The following IQCE variants were observed in gnomAD, a reference collection of about 807,000 sequenced individuals.
The protein encoded by IQCE is IQ motif containing E, also known as IQ domain-containing protein E.
IQCE carries 115 observed loss-of-function variants against 96.0 expected under a neutral mutation model. The observed-to-expected ratio is 1.20, with a 90% confidence interval of 1.03 to 1.40. The LOEUF (loss-of-function observed/expected upper bound fraction) is 1.40. Among genes scored for constraint, IQCE ranks in the 40% most tolerant of loss-of-function variants. IQCE has a pLI of 0.00. For missense variants in IQCE, 1,041 were observed against 909.1 expected (o/e 1.15, Z -1.87); for synonymous variants, 412 against 371.2 (o/e 1.11, Z -1.26).
chr7:2,598,634 T>C lies in IQCE; in HGVS notation c.1608+2T>C. 1 of 1,536,644 alleles carries C rather than the reference T, an allele frequency of 6.5e-7. No homozygotes were observed. Among genetic ancestry groups the C allele is most frequent in the Non-Finnish European group, 8.8e-7 (1 of 1,141,118 alleles). On this transcript the variant is annotated splice_donor_variant, in intron 17 of 21. Transcript: ENST00000402050. LOFTEE classifies it high-confidence loss of function. ...CAGTGGAAGGTGTACAAGCACAAGG[T>C]GAGGCTCCCCGGGGCGACCCGGGCT...
chr7:2,603,042 T>A (rs548407751), intron 18 of IQCE, among the ~76,000 whole-genome samples: 1 of 152,236 alleles, frequency 6.6e-6, no homozygotes, highest in Admixed American at 6.5e-5. Context: ...CCTGGCCTCC[T>A]GGTCCCTAGA....
chr7:2,567,092 C>T, intron 1 of IQCE, 24 bp from the exon 2 acceptor site: 1 of 1,610,284 alleles, frequency 6.2e-7, no homozygotes, highest in Non-Finnish European at 8.5e-7. Flanking sequence ...CGTCGAGTTA[C>T]AGTGTTTGCC....
intron 13 of IQCE, among the ~76,000 whole-genome samples, chr7:2,589,247 A>C (rs1344739027): frequency 6.6e-6 from 1 of 152,056 alleles, no homozygotes; most frequent in Non-Finnish European, 1.5e-5. Flanking sequence ...GCACACCTGT[A>C]TTCCCAGCTA....
At chr7:2,579,782 T>C (rs117437253) in intron 8 of IQCE, among the ~76,000 whole-genome samples, 21,195 of 150,938 alleles carry the variant, frequency 0.14, 1,719 homozygotes, top group Non-Finnish European at 0.16. Flanking sequence ...CTCACTCTGT[T>C]GCCCAGGCTG....
At chr7:2,578,942 C>A (rs1014580984) in intron 8 of IQCE, among the ~76,000 whole-genome samples, 2 of 151,964 alleles carry the variant, frequency 1.3e-5, no homozygotes, top group Non-Finnish European at 2.9e-5. Context: ...TCCTGTAGTC[C>A]CGGCTACTCA....
chr7:2,603,224 GC>G (rs1784555531), intron 18 of IQCE, among the ~76,000 whole-genome samples: 1 of 152,064 alleles, frequency 6.6e-6, no homozygotes, highest in African/African-American at 2.4e-5. Context: ...GCCTGCCCAG[GC>G]TCCCGGTCCC....
chr7:2,612,619 G>C lies in IQCE; in HGVS notation c.*2457G>C, dbSNP rs1483390931. On this transcript the variant is annotated 3_prime_UTR_variant, in exon 22 of 22. Transcript: ENST00000402050. ...GTGGGTGGGGCCTAGCCATGGGAGA[G>C]GTGAGCTGTGAATGGGGCTAGCTAT... The C allele has an allele frequency of 1.3e-5, 2 of 152,106 alleles. No individual in the cohort carries two copies. Among genetic ancestry groups the C allele is most frequent in the African/African-American group, 2.4e-5 (1 of 41,232 alleles). 9.4% of individuals were successfully genotyped at this position (152,106 alleles called of 1,614,324 possible).
At chr7:2,590,521 T>C (rs979664076) in intron 14 of IQCE, among the ~76,000 whole-genome samples, 2 of 152,086 alleles carry the variant, frequency 1.3e-5, no homozygotes, top group Non-Finnish European at 2.9e-5. Flanking sequence ...TCCCAGCACT[T>C]TGGGAGGCCG....
intron 17 of IQCE, among the ~76,000 whole-genome samples, chr7:2,599,615 G>GC (rs1297678733): frequency 4.0e-5 from 6 of 151,814 alleles, no homozygotes; most frequent in Middle Eastern, 3.2e-3. Flanking sequence ...TCCGGCCTCA[G>GC]CCTCCCAAGT....
At chr7:2,596,331 G>T (rs190055068) in intron 16 of IQCE, among the ~76,000 whole-genome samples, 3 of 150,794 alleles carry the variant, frequency 2.0e-5, no homozygotes, top group African/African-American at 7.3e-5. Context: ...GAGAGAGAGA[G>T]AGAGAAAACA....
rs1173192836 is a variant in IQCE, at chr7:2,583,765, G to A, written c.774+56G>A. ...CGGGCACCGAGCTGGGCGGCGGGGC[G>A]GAGGGCGGGCACCGAGCTGGGCGGC... On this transcript the variant is annotated intron_variant, in intron 10 of 21. Transcript: ENST00000402050. 12 of 292,996 alleles carry A rather than the reference G, an allele frequency of 4.1e-5. No individual in the cohort carries two copies. The East Asian group carries it at 5.4e-4, about 13-fold the overall frequency. The allele number at this position is 292,996 out of a possible 1,614,324, so 18.1% of individuals were successfully genotyped here. A position where few individuals can be genotyped will look rare whatever the true frequency, so the allele number is the denominator to read the frequency against.
intron 18 of IQCE, among the ~76,000 whole-genome samples, chr7:2,602,357 A>T (rs954514370): frequency 6.6e-6 from 1 of 152,138 alleles, no homozygotes; most frequent in African/African-American, 2.4e-5. Context: ...TTTAGGGAGG[A>T]GCTAGAAAGT....
At chr7:2,581,731 A>AC (rs1782678801) in intron 8 of IQCE, among the ~76,000 whole-genome samples, 1 of 139,132 alleles carries the variant, frequency 7.2e-6, no homozygotes, top group African/African-American at 2.7e-5. Flanking sequence ...TTTTTTTGAG[A>AC]TGGAGTCTCG....
chr7:2,569,420 G>A (rs571837447), intron 3 of IQCE, among the ~76,000 whole-genome samples: 6 of 152,260 alleles, frequency 3.9e-5, no homozygotes, highest in Admixed American at 2.0e-4. Context: ...TTGGTGGGAC[G>A]GGTGGCAAGT....
At position 2,583,290 on chromosome 7, in the gene IQCE, G is replaced by A. The variant is rs79159052; in HGVS notation, c.702-347G>A. ...CTTACAAAACCATCCATTCAAAGACGGCTTGTCCTTTCTAAGCTCCAAGGC... is the reference window on the plus strand; with the variant it reads ...CTTACAAAACCATCCATTCAAAGACAGCTTGTCCTTTCTAAGCTCCAAGGC... On this transcript the variant is annotated intron_variant, in intron 9 of 21. Coordinates refer to ENST00000402050, the MANE Select transcript of IQCE (RefSeq NM_152558.5). Among the ~76,000 whole-genome samples the A allele has an allele frequency of 1.0e-2, 1,517 of 152,218 alleles. 23 individuals carry two copies. The highest frequency in any genetic ancestry group is 0.034 in the African/African-American group (1,413 of 41,522).
chr7:2,595,017 G>T, intron 16 of IQCE, 41 bp downstream of exon 16: 1 of 1,419,954 alleles, frequency 7.0e-7, no homozygotes, highest in Non-Finnish European at 1.0e-6. Context: ...CAGGTGCGGT[G>T]AGACTTTGGT....
rs543379811 is a variant in IQCE at position 2,607,311 on chromosome 7, C to T, written c.1969+84C>T. 192 of 1,576,974 alleles carry T rather than the reference C, an allele frequency of 1.2e-4. 1 individual carries two copies. The East Asian group carries it at 2.8e-3, about 23-fold the overall frequency. On this transcript the variant is annotated intron_variant, in intron 21 of 21. Coordinates refer to ENST00000402050, the MANE Select transcript of IQCE (RefSeq NM_152558.5). ...AAAGAGTGGCCACCTCCAGGAAGCC[C>T]GGGCTGTGTCGGGACGGAAGGGAGG...
intron 8 of IQCE, among the ~76,000 whole-genome samples, chr7:2,580,481 G>A (rs759265796): frequency 6.6e-6 from 1 of 151,814 alleles, no homozygotes. Flanking sequence ...GTATGATGGC[G>A]CGTGCCTGTA....
chr7:2,588,283 C>T (rs62439483), intron 13 of IQCE, among the ~76,000 whole-genome samples: 15,478 of 152,234 alleles, frequency 0.1, 1,108 homozygotes, highest in Non-Finnish European at 0.14. Flanking sequence ...CCCACATCCC[C>T]TATGCGACTG....
Sources: allele counts gnomAD v4.1 joint callset (sites outside exome capture counted in the v4.1 genomes callset), GRCh38; gene constraint gnomAD v4.1.1; transcripts MANE v1.5; gene names NCBI Gene and HGNC (gene_info 2026-07-23, HGNC 2026-07-21).